Variants in EPHB1 observed in about 807,000 individuals in gnomAD.
EPHB1 encodes the protein ephrin type-B receptor 1.
In EPHB1, 30 loss-of-function variants were observed where a neutral mutation model predicts 94.4. The observed-to-expected ratio is 0.32, with a 90% CI of 0.24 to 0.43. The LOEUF (loss-of-function observed/expected upper bound fraction) is 0.43, where lower values mean the gene tolerates loss of function less well. Among genes scored for constraint, EPHB1 ranks in the 20% least tolerant of loss-of-function variants. The pLI is 1.00. For missense variants in EPHB1, 1,055 were observed against 1,308.3 expected (o/e 0.81, Z 2.99); for synonymous variants, 522 against 489.1 (o/e 1.07, Z -0.89).
intron 4 of EPHB1, among the ~76,000 whole-genome samples, chr3:135,120,712 G>A (rs1013327955): frequency 1.2e-4 from 19 of 152,306 alleles, no homozygotes; most frequent in Middle Eastern, 3.4e-3. Context: ...CTGGAGAGAG[G>A]CAGCACATGT....
At chr3:135,011,107 T>TG (rs1237027125) in intron 3 of EPHB1, among the ~76,000 whole-genome samples, 4 of 152,214 alleles carry the variant, frequency 2.6e-5, no homozygotes, top group African/African-American at 9.6e-5. Context: ...TACATGGGGT[T>TG]GCAGGGGCAA....
At chr3:134,978,496 G>A (rs1453677582) in intron 3 of EPHB1, among the ~76,000 whole-genome samples, 2 of 151,944 alleles carry the variant, frequency 1.3e-5, no homozygotes, top group African/African-American at 2.4e-5. Context: ...CTGGCCACTC[G>A]GTGCTAAGGG....
chr3:134,797,215 G>A (rs1411277027), intron 1 of EPHB1, among the ~76,000 whole-genome samples: 1 of 152,208 alleles, frequency 6.6e-6, no homozygotes, highest in African/African-American at 2.4e-5. Context: ...GGAGCAAGGA[G>A]GGGTTTGCTT....
At chr3:135,249,547 C>G (rs1340911212) in intron 15 of EPHB1, 56 bp downstream of exon 15, 1 of 1,564,352 alleles carries the variant, frequency 6.4e-7, no homozygotes, top group East Asian at 2.3e-5. Context: ...TGCTCCTTCC[C>G]TGCTATTGCA....
At chr3:134,911,628 G>T (rs1333584152) in intron 1 of EPHB1, among the ~76,000 whole-genome samples, 1 of 152,152 alleles carries the variant, frequency 6.6e-6, no homozygotes, top group African/African-American at 2.4e-5. Flanking sequence ...TATGTGAGGG[G>T]AGTGGTACCC....
chr3:135,114,566 A>AAT (rs1939602752), intron 4 of EPHB1, among the ~76,000 whole-genome samples: 4 of 143,312 alleles, frequency 2.8e-5, no homozygotes, highest in Non-Finnish European at 6.1e-5. Context: ...AAAAAAAAAA[A>AAT]TACAAAAATT....
chr3:135,241,514 G>A (rs1943781980), intron 13 of EPHB1, among the ~76,000 whole-genome samples: 1 of 152,246 alleles, frequency 6.6e-6, no homozygotes, highest in South Asian at 2.1e-4. Context: ...AAAGCCTGTA[G>A]AGGTGCCAAG....
chr3:134,826,327 T>G (rs2036478126), intron 1 of EPHB1, among the ~76,000 whole-genome samples: 2 of 152,038 alleles, frequency 1.3e-5, no homozygotes, highest in Non-Finnish European at 2.9e-5. Flanking sequence ...AGGAAGTTCT[T>G]CTTGTTATCT....
chr3:135,016,294 G>A (rs879905674), intron 3 of EPHB1, among the ~76,000 whole-genome samples: 1 of 152,206 alleles, frequency 6.6e-6, no homozygotes, highest in Admixed American at 6.5e-5. Flanking sequence ...TGAAATGATA[G>A]GGGTGTGTGG....
chr3:135,186,312 AGG>A (rs1294101173), intron 10 of EPHB1, among the ~76,000 whole-genome samples: 6 of 152,182 alleles, frequency 3.9e-5, no homozygotes, highest in Non-Finnish European at 7.4e-5. Context: ...CTCTGATGAA[AGG>A]GTGAAGATGG....
intron 1 of EPHB1, among the ~76,000 whole-genome samples, chr3:134,839,447 G>T (rs2036737455): frequency 6.6e-6 from 1 of 152,158 alleles, no homozygotes; most frequent in African/African-American, 2.4e-5. Flanking sequence ...ATGGAAGAAA[G>T]CAAATCCTAG....
Position 135,258,959 on chromosome 3 carries a change from C to G in EPHB1, c.2847-53C>G, listed in dbSNP as rs1460195791. ...GGCTTTAGTGATGAGTTTTGATCTGCGAAAAGCTAACCTAACACTAAAGTG... is the reference window on the plus strand; with the variant it reads ...GGCTTTAGTGATGAGTTTTGATCTGGGAAAAGCTAACCTAACACTAAAGTG... On this transcript the variant is annotated intron_variant, in intron 15 of 15. Transcript: ENST00000398015. 4.3e-6 allele frequency: 6 copies of G among 1,408,032 alleles called. No individual in the cohort carries two copies. The African/African-American group carries it at 7.1e-5, about 17-fold the overall frequency. 87.2% of individuals were successfully genotyped at this position (1,408,032 alleles called of 1,614,324 possible). A position where few individuals can be genotyped will look rare whatever the true frequency, so the allele number is the denominator to read the frequency against.
At chr3:135,003,243 T>C (rs1352231657) in intron 3 of EPHB1, among the ~76,000 whole-genome samples, 1 of 151,754 alleles carries the variant, frequency 6.6e-6, no homozygotes, top group Admixed American at 6.6e-5. Context: ...GAGCAGGTTG[T>C]TCAGTTTCCA....
intron 1 of EPHB1, among the ~76,000 whole-genome samples, chr3:134,845,576 G>A (rs969810226): frequency 1.3e-5 from 2 of 151,940 alleles, no homozygotes; most frequent in East Asian, 1.9e-4. Context: ...CCTCTTTGCC[G>A]TGGCTTCGAG....
At chr3:135,237,282 A>T (rs1287219602) in intron 12 of EPHB1, among the ~76,000 whole-genome samples, 3 of 120,230 alleles carry the variant, frequency 2.5e-5, no homozygotes, top group African/African-American at 7.9e-5. Flanking sequence ...AATTCTACAC[A>T]CACACACACA....
chr3:135,217,194 G>A (rs1274074283), intron 12 of EPHB1, among the ~76,000 whole-genome samples: 1 of 152,080 alleles, frequency 6.6e-6, no homozygotes, highest in East Asian at 1.9e-4. Context: ...GCCAAGATGA[G>A]TAGCAGACCT....
At chr3:135,143,372 A>G (rs1940894524) in intron 5 of EPHB1, among the ~76,000 whole-genome samples, 1 of 152,002 alleles carries the variant, frequency 6.6e-6, no homozygotes. Flanking sequence ...CTGGAGGAGG[A>G]TGGTCACAGT....
At chr3:134,875,409 T>A (rs557167788) in intron 1 of EPHB1, among the ~76,000 whole-genome samples, 11 of 152,226 alleles carry the variant, frequency 7.2e-5, no homozygotes, top group African/African-American at 2.4e-4. Context: ...GTGGGCAGTA[T>A]GAGAGGTCTC....
chr3:135,230,839 A>G (rs2107724079), intron 12 of EPHB1, among the ~76,000 whole-genome samples: 1 of 152,304 alleles, frequency 6.6e-6, no homozygotes, highest in South Asian at 2.1e-4. Context: ...CTGCTCCTGC[A>G]CTAATTCATT....
Sources: allele counts gnomAD v4.1 joint callset (sites outside exome capture counted in the v4.1 genomes callset), GRCh38; gene constraint gnomAD v4.1.1; transcripts MANE v1.5; gene names NCBI Gene and HGNC (gene_info 2026-07-23, HGNC 2026-07-21).